The following DCDC1 variants were observed in gnomAD, a reference collection of about 807,000 sequenced individuals.
DCDC1 encodes the protein doublecortin domain-containing protein 1.
DCDC1 carries 200 observed loss-of-function variants against 178.3 expected under a neutral mutation model. That is an observed-to-expected ratio of 1.12 (90% CI 1.00 to 1.26). The LOEUF is 1.26. Ranked by LOEUF, DCDC1 falls within the 50% of genes most tolerant of loss-of-function variation. The pLI, the probability that DCDC1 is intolerant of heterozygous loss-of-function variation, is 0.00. For synonymous variants in DCDC1, 690 were observed against 604.8 expected, an observed-to-expected ratio of 1.14 and a Z score of -2.07; for missense variants, 1,983 against 1,749.2, an observed-to-expected ratio of 1.13 and a Z score of -2.38.
intron 9 of DCDC1, among the ~76,000 whole-genome samples, chr11:31,188,022 G>T (rs1271776721): frequency 2.0e-5 from 3 of 151,854 alleles, no homozygotes; most frequent in African/African-American, 4.8e-5. Flanking sequence ...TTTGGAGATA[G>T]TCTGGCTATA....
chr11:31,020,399 A>G (rs565621933), intron 20 of DCDC1, among the ~76,000 whole-genome samples: 1 of 152,234 alleles, frequency 6.6e-6, no homozygotes. Context: ...CTAGAAAAAC[A>G]AAAACAGCAC....
chr11:31,141,940 T>C (rs1316760474), intron 9 of DCDC1, among the ~76,000 whole-genome samples: 1 of 152,182 alleles, frequency 6.6e-6, no homozygotes, highest in African/African-American at 2.4e-5. Flanking sequence ...GAGCTCCGTA[T>C]ATAAACAAGT....
chr11:31,272,861 G>A (rs1486679107), intron 7 of DCDC1, among the ~76,000 whole-genome samples: 1 of 152,220 alleles, frequency 6.6e-6, no homozygotes, highest in Non-Finnish European at 1.5e-5. Context: ...AGGTCTAGAG[G>A]ATGGTGGTCC....
At chr11:31,173,047 C>CT (rs1436878878) in intron 9 of DCDC1, among the ~76,000 whole-genome samples, 1 of 152,194 alleles carries the variant, frequency 6.6e-6, no homozygotes, top group Non-Finnish European at 1.5e-5. Context: ...TACTACATCA[C>CT]TCAGTTCTCA....
chr11:31,229,506 A>G (rs1975477304), intron 9 of DCDC1, among the ~76,000 whole-genome samples: 1 of 152,198 alleles, frequency 6.6e-6, no homozygotes, highest in African/African-American at 2.4e-5. Context: ...CAGTAAAAAT[A>G]TGTATATGAA....
intron 38 of DCDC1, among the ~76,000 whole-genome samples, chr11:30,875,947 A>G (rs944598359): frequency 6.6e-6 from 1 of 152,202 alleles, no homozygotes; most frequent in Admixed American, 6.6e-5. Flanking sequence ...ACTTTCAGGC[A>G]TATTGCTTTT....
intron 7 of DCDC1, among the ~76,000 whole-genome samples, chr11:31,272,619 T>C (rs1042305671): frequency 1.8e-4 from 28 of 152,334 alleles, no homozygotes; most frequent in South Asian, 4.1e-4. Flanking sequence ...ACAGGCCCCA[T>C]GCAAGTCTAA....
chr11:31,232,906 T>C (rs566912864), intron 9 of DCDC1, among the ~76,000 whole-genome samples: 1 of 152,106 alleles, frequency 6.6e-6, no homozygotes, highest in South Asian at 2.1e-4. Context: ...CTGGCCAATA[T>C]GGTGAAAACC....
At chr11:31,348,421 C>T (rs1950914871) in intron 1 of DCDC1, among the ~76,000 whole-genome samples, 3 of 152,172 alleles carry the variant, frequency 2.0e-5, no homozygotes, top group Admixed American at 2.0e-4. Flanking sequence ...TCTCAAAGGC[C>T]AGTCCTAATG....
chr11:31,183,521 T>C (rs993160339), intron 9 of DCDC1, among the ~76,000 whole-genome samples: 8 of 152,134 alleles, frequency 5.3e-5, no homozygotes, highest in African/African-American at 1.7e-4. Flanking sequence ...GACATGATTG[T>C]ATATTTAGAA....
intron 9 of DCDC1, among the ~76,000 whole-genome samples, chr11:31,193,240 AT>A (rs1338573995): frequency 1.3e-5 from 2 of 152,044 alleles, no homozygotes; most frequent in East Asian, 3.9e-4. Flanking sequence ...CCTCTCTTAT[AT>A]ATCTATATCT....
rs935547367 is a variant in DCDC1 at position 31,213,878 on chromosome 11, GTATT to G, written c.1221+27568_1221+27571del. 8.5e-3 allele frequency among the ~76,000 whole-genome samples: 1,271 copies of G among 149,864 alleles called. 23 individuals carry two copies. The highest frequency in any genetic ancestry group is 0.03 in the African/African-American group (1,216 of 41,192). ...TATCACTCATATTAGAGAAAAAGAA[GTATT>G]TATTTATATTGTTGAGTGTGTACAC... On this transcript the variant is annotated intron_variant, in intron 9 of 38. Coordinates refer to ENST00000684477, the MANE Select transcript of DCDC1 (RefSeq NM_001387274.1).
At chr11:30,991,883 T>C (rs974199618) in intron 20 of DCDC1, among the ~76,000 whole-genome samples, 6 of 152,274 alleles carry the variant, frequency 3.9e-5, no homozygotes, top group African/African-American at 1.4e-4. Context: ...AGAATTTAAA[T>C]GTACTGAAAA....
chr11:31,207,481 G>C (rs1971995202), intron 9 of DCDC1, among the ~76,000 whole-genome samples: 1 of 152,094 alleles, frequency 6.6e-6, no homozygotes. Flanking sequence ...AACCAAATGA[G>C]AACTATATCA....
At chr11:31,295,932 G>T (rs774335562) in intron 6 of DCDC1, among the ~76,000 whole-genome samples, 11 of 152,036 alleles carry the variant, frequency 7.2e-5, no homozygotes, top group Non-Finnish European at 1.6e-4. Flanking sequence ...CCTAAAATCT[G>T]CAAGAACTTT....
chr11:30,986,067 C>T (rs574960863), intron 20 of DCDC1, among the ~76,000 whole-genome samples: 1 of 152,194 alleles, frequency 6.6e-6, no homozygotes, highest in Non-Finnish European at 1.5e-5. Context: ...CAGAGATTGG[C>T]AGCCCAAGAT....
intron 15 of DCDC1, among the ~76,000 whole-genome samples, chr11:31,101,792 AC>A (rs1330724630): frequency 1.3e-5 from 2 of 152,064 alleles, no homozygotes; most frequent in Non-Finnish European, 2.9e-5. Context: ...AAAAACTGTC[AC>A]AGTCCAGGCG....
At chr11:31,357,357 T>C (rs967468500) in intron 1 of DCDC1, among the ~76,000 whole-genome samples, 18 of 143,492 alleles carry the variant, frequency 1.3e-4, no homozygotes, top group Middle Eastern at 3.6e-3. Context: ...TCTCAATAGA[T>C]GCAGAAAAGG....
At chr11:30,954,942 C>T (rs931078979) in intron 20 of DCDC1, among the ~76,000 whole-genome samples, 1 of 152,114 alleles carries the variant, frequency 6.6e-6, no homozygotes, top group Non-Finnish European at 1.5e-5. Context: ...ACCCAGCAAC[C>T]CAAATTGAAG....
Sources: gnomAD v4.1 joint callset for allele counts (sites outside exome capture counted in the v4.1 genomes callset) on GRCh38, gnomAD v4.1.1 for gene constraint, MANE v1.5 for transcripts, NCBI Gene and HGNC (gene_info 2026-07-23, HGNC 2026-07-21) for gene names.